The following ADI1 variants were observed in gnomAD, a reference collection of about 807,000 sequenced individuals.
The protein encoded by ADI1 is acireductone dioxygenase 1.
In ADI1, 21 loss-of-function variants were observed where a neutral mutation model predicts 18.7. The ratio of observed to expected loss-of-function variants is 1.13; its 90% CI spans 0.80 to 1.62. The LOEUF is 1.62. ADI1 is among the 40% of genes most tolerant of loss of function. ADI1 has a pLI of 0.00. For missense variants in ADI1, 245 were observed against 254.9 expected (o/e 0.96, Z 0.26); for synonymous variants, 90 against 100.1 (o/e 0.90, Z 0.60).
At chr2:3,511,501 A>T (rs1667293864) in intron 2 of ADI1, among the ~76,000 whole-genome samples, 1 of 152,220 alleles carries the variant, frequency 6.6e-6, no homozygotes, top group Non-Finnish European at 1.5e-5. Context: ...CCTCCCCAGA[A>T]GCAGATGGTG....
intron 2 of ADI1, among the ~76,000 whole-genome samples, chr2:3,513,184 A>G (rs1029295833): frequency 1.3e-5 from 2 of 152,190 alleles, no homozygotes; most frequent in Non-Finnish European, 1.5e-5. Flanking sequence ...TTGCAGGCTC[A>G]TAGGTAAAAG....
At position 3,513,895 on chromosome 2, in the gene ADI1, T is replaced by C. The variant is rs57884381; in HGVS notation, c.202A>G (p.Thr68Ala). 1,678 of 1,610,854 alleles carry C rather than the reference T, an allele frequency of 1.0e-3. 30 individuals carry two copies. In the East Asian group the frequency reaches 0.034, roughly 33 times the overall value. ...TTTGGTAGTTTATCTTTGCATATGGTTATGATGTCCATCCAGGAGTAGTTC... is the reference window on the plus strand; with the variant it reads ...TTTGGTAGTTTATCTTTGCATATGGCTATGATGTCCATCCAGGAGTAGTTC... ...ERNYSWMDII[T>A]ICKDKLPNYE... The change falls in exon 2 of 4, where the codon ACC (threonine) becomes GCC (alanine). Residue 68 changes from threonine to alanine, a missense_variant. By Grantham distance (58) the Thr-to-Ala change is moderately conservative. Transcript: ENST00000327435.
At chr2:3,504,021 T>C (rs1558426122) in intron 2 of ADI1, among the ~76,000 whole-genome samples, 3 of 152,118 alleles carry the variant, frequency 2.0e-5, no homozygotes, top group Non-Finnish European at 4.4e-5. Flanking sequence ...ACGAAAAACG[T>C]TGAGTGAAAG....
At chr2:3,509,074 A>T (rs990314780) in intron 2 of ADI1, among the ~76,000 whole-genome samples, 4 of 152,044 alleles carry the variant, frequency 2.6e-5, no homozygotes, top group Non-Finnish European at 5.9e-5. Flanking sequence ...CAGCAAAATC[A>T]TCAGAGATAA....
chr2:3,515,632 T>G (rs543109206), intron 1 of ADI1: 9 of 152,368 alleles, frequency 5.9e-5, no homozygotes, highest in African/African-American at 1.9e-4. Context: ...TAGACCCTTA[T>G]TAGTAGTTCT....
At chr2:3,508,354 A>C (rs986300661) in intron 2 of ADI1, among the ~76,000 whole-genome samples, 1 of 149,926 alleles carries the variant, frequency 6.7e-6, no homozygotes, top group Admixed American at 6.6e-5. Context: ...AAAAAAAAAA[A>C]AAAAAACAAT....
intron 1 of ADI1, among the ~76,000 whole-genome samples, chr2:3,519,078 C>A (rs1156536980): frequency 2.0e-5 from 3 of 151,566 alleles, no homozygotes; most frequent in African/African-American, 7.3e-5. Context: ...GCATGCGCAG[C>A]ACACCACAGG....
intron 1 of ADI1, among the ~76,000 whole-genome samples, chr2:3,514,530 C>T (rs1298471289): frequency 6.6e-6 from 1 of 152,172 alleles, no homozygotes; most frequent in Non-Finnish European, 1.5e-5. Flanking sequence ...CATTCTAAAC[C>T]AAATAGGATG....
At chr2:3,518,395 C>G (rs894879339) in intron 1 of ADI1, among the ~76,000 whole-genome samples, 8 of 152,188 alleles carry the variant, frequency 5.3e-5, no homozygotes, top group Non-Finnish European at 7.3e-5. Flanking sequence ...TCAGCCTATC[C>G]CTGAGGCCTA....
At chr2:3,514,150 C>G (rs1355776474) in intron 1 of ADI1, among the ~76,000 whole-genome samples, 174 bp from the exon 2 acceptor site, 1 of 152,200 alleles carries the variant, frequency 6.6e-6, no homozygotes, top group Non-Finnish European at 1.5e-5. Context: ...TTTCCATTCT[C>G]CAAAACACCA....
chr2:3,516,769 A>C, intron 1 of ADI1: 1 of 985,412 alleles, frequency 1.0e-6, no homozygotes, highest in Middle Eastern at 5.2e-4. Context: ...TGTATGTATG[A>C]CAAAAGGTTT....
intron 1 of ADI1, chr2:3,514,905 G>T (rs1219422152): frequency 6.5e-7 from 1 of 1,535,186 alleles, no homozygotes; most frequent in South Asian, 1.2e-5. Context: ...AGATTTCACG[G>T]ACATCTATCA....
At chr2:3,512,988 G>A (rs568076952) in intron 2 of ADI1, among the ~76,000 whole-genome samples, 2 of 152,344 alleles carry the variant, frequency 1.3e-5, no homozygotes, top group African/African-American at 2.4e-5. Context: ...TGCCCTAGAT[G>A]TGGGACATGG....
At chr2:3,505,578 A>G (rs965313210) in intron 2 of ADI1, among the ~76,000 whole-genome samples, 5 of 152,180 alleles carry the variant, frequency 3.3e-5, no homozygotes, top group African/African-American at 1.2e-4. Context: ...TACATCTGAA[A>G]TCTCTTCTTA....
At chr2:3,513,769 C>T (rs1667340607) in intron 2 of ADI1, 88 bp downstream of exon 2, 1 of 1,393,904 alleles carries the variant, frequency 7.2e-7, no homozygotes, top group Non-Finnish European at 9.6e-7. Flanking sequence ...CTCATACAGA[C>T]ATTAAAAGAA....
At chr2:3,514,397 C>G (rs1397648078) in intron 1 of ADI1, among the ~76,000 whole-genome samples, 1 of 152,170 alleles carries the variant, frequency 6.6e-6, no homozygotes, top group East Asian at 1.9e-4. Flanking sequence ...ACATTGTATG[C>G]TCTCACAGCT....
intron 2 of ADI1, among the ~76,000 whole-genome samples, chr2:3,505,940 C>G (rs992381523): frequency 2.0e-5 from 3 of 152,216 alleles, no homozygotes; most frequent in Admixed American, 2.0e-4. Context: ...AAGCAGCTCT[C>G]ACAAGACACC....
intron 2 of ADI1, among the ~76,000 whole-genome samples, chr2:3,510,563 G>A (rs1242547168): frequency 6.6e-6 from 1 of 152,092 alleles, no homozygotes; most frequent in Admixed American, 6.6e-5. Flanking sequence ...TCAGGAAAGG[G>A]AGAAAAAACA....
Position 3,513,995 on chromosome 2 carries a change from C to CAAA in ADI1, c.121-22_121-20dup. ...CATCCAGCTAAAAGAGTTAACCCAC[C>CAAA]AAAAACAAGAGCTCAGATTAACAAG... On this transcript the variant is annotated intron_variant, in intron 1 of 3. Transcript: ENST00000327435. 6.3e-7 allele frequency: 1 copy of CAAA among 1,578,648 alleles called. No homozygotes were observed.
Sources: gnomAD v4.1 joint callset for allele counts (sites outside exome capture counted in the v4.1 genomes callset) on GRCh38, gnomAD v4.1.1 for gene constraint, MANE v1.5 for transcripts, NCBI Gene and HGNC (gene_info 2026-07-23, HGNC 2026-07-21) for gene names.